The following LY86 variants were observed in gnomAD, a reference collection of about 807,000 sequenced individuals.
LY86 encodes MD-1, RP105-associated.
In LY86, 20 loss-of-function variants were observed where a neutral mutation model predicts 17.3. That is an observed-to-expected ratio of 1.15 (90% CI 0.81 to 1.68). The LOEUF is 1.68. LY86 is among the 40% of genes most tolerant of loss of function. The probability of loss-of-function intolerance (pLI) is 0.00; values close to 1 mark genes in which losing one functional copy is unlikely to be tolerated. For synonymous variants in LY86, 74 were observed against 70.6 expected, an observed-to-expected ratio of 1.05 and a Z score of -0.24; for missense variants, 200 against 191.9, an observed-to-expected ratio of 1.04 and a Z score of -0.25.
intron 1 of LY86, among the ~76,000 whole-genome samples, chr6:6,618,435 T>C (rs528210513): frequency 1.3e-4 from 20 of 152,098 alleles, no homozygotes; most frequent in African/African-American, 4.6e-4. Flanking sequence ...TTCAATTTTT[T>C]TTTTTTTGCA....
At chr6:6,590,593 T>C (rs1044321878) in intron 1 of LY86, among the ~76,000 whole-genome samples, 4 of 152,000 alleles carry the variant, frequency 2.6e-5, no homozygotes, top group Admixed American at 1.3e-4. Flanking sequence ...GGCTCCCAAG[T>C]GGGGAGCAAC....
chr6:6,622,595 G>A (rs1761705361), intron 1 of LY86: 1 of 152,188 alleles, frequency 6.6e-6, no homozygotes, highest in Non-Finnish European at 1.5e-5. Context: ...TTAGTGACTG[G>A]ACCAAAGGGG....
chr6:6,622,040 T>G lies in LY86; in HGVS notation c.137-2886T>G, dbSNP rs113571455. Reference sequence around the variant, plus strand: ...TGTTTACACTCAAAGATATCACTCTTGCATATAAATTTGAAATAACTGCTA... The same window carrying G: ...TGTTTACACTCAAAGATATCACTCTGGCATATAAATTTGAAATAACTGCTA... On this transcript the variant is annotated intron_variant, in intron 1 of 4. Coordinates refer to ENST00000230568, the MANE Select transcript of LY86 (RefSeq NM_004271.4). Among the ~76,000 whole-genome samples, 42 of 152,296 alleles carry G rather than the reference T, an allele frequency of 2.8e-4. 1 individual carries two copies. Among genetic ancestry groups the G allele is most frequent in the African/African-American group, 9.1e-4 (38 of 41,564 alleles).
chr6:6,651,723 G>A (rs1762189311), intron 4 of LY86, among the ~76,000 whole-genome samples: 1 of 152,058 alleles, frequency 6.6e-6, no homozygotes, highest in Admixed American at 6.6e-5. Flanking sequence ...ATAAGATAGA[G>A]GGGAAAAGAA....
chr6:6,588,742 G>T lies in LY86; in HGVS notation c.8G>T (p.Gly3Val), dbSNP rs751821164. The change falls in exon 1 of 5, where the codon GGT becomes GTT. Residue 3 changes from glycine to valine, a missense_variant. Coordinates refer to ENST00000230568, the MANE Select transcript of LY86 (RefSeq NM_004271.4). MK[G>V]FTATLFLWTL... is the part of the protein sequence containing the mutation. ...CCCATACAGGCCCCCACCATGAAGG[G>T]TTTCACAGCCACTCTCTTCCTCTGG... is the stretch of plus-strand genomic sequence containing the variant. The T allele has an allele frequency of 6.2e-6, 10 of 1,614,010 alleles. No individual in the cohort carries two copies. Among genetic ancestry groups the T allele is most frequent in the Non-Finnish European group, 8.5e-6 (10 of 1,179,988 alleles).
In LY86 at chr6:6,588,730, C is replaced by CCA. The variant is rs2113062459; in HGVS notation, c.-3_-2dup. The stretch of plus-strand genomic sequence containing the variant: ...TTTTCTGTGTGTCCCATACAGGCCC[C>CCA]CACCATGAAGGGTTTCACAGCCACT... On this transcript the variant is annotated 5_prime_UTR_variant, in exon 1 of 5. Coordinates refer to ENST00000230568, the MANE Select transcript of LY86 (RefSeq NM_004271.4). The CCA allele has an allele frequency of 6.2e-7, 1 of 1,613,976 alleles. No individual in the cohort carries two copies. The highest frequency in any genetic ancestry group is 2.2e-5 in the East Asian group (1 of 44,872).
intron 1 of LY86, among the ~76,000 whole-genome samples, chr6:6,604,721 G>C (rs1407593613): frequency 6.6e-6 from 1 of 152,026 alleles, no homozygotes; most frequent in African/African-American, 2.4e-5. Context: ...CATTACATTG[G>C]GGGTCTCTCC....
intron 1 of LY86, among the ~76,000 whole-genome samples, chr6:6,600,366 G>C (rs932576108): frequency 2.0e-5 from 3 of 152,002 alleles, no homozygotes; most frequent in African/African-American, 7.2e-5. Context: ...GAGGCAGGCA[G>C]ATCACCTTAG....
At chr6:6,610,610 C>T (rs1394423556) in intron 1 of LY86, among the ~76,000 whole-genome samples, 7 of 152,090 alleles carry the variant, frequency 4.6e-5, no homozygotes, top group Admixed American at 6.5e-5. Context: ...AAGCTTCTGT[C>T]CCTAGGAACA....
intron 1 of LY86, among the ~76,000 whole-genome samples, chr6:6,614,436 C>T (rs1296198091): frequency 6.6e-6 from 1 of 151,040 alleles, no homozygotes; most frequent in South Asian, 2.1e-4. Flanking sequence ...TCATTGCTCT[C>T]CGCCCGAGCA....
At chr6:6,650,313 G>A (rs1451537347) in intron 4 of LY86, among the ~76,000 whole-genome samples, 1 of 150,586 alleles carries the variant, frequency 6.6e-6, no homozygotes, top group African/African-American at 2.4e-5. Flanking sequence ...AGCAATAAAT[G>A]TTCAATATGC....
chr6:6,616,650 C>T (rs541723002), intron 1 of LY86, among the ~76,000 whole-genome samples: 1 of 152,372 alleles, frequency 6.6e-6, no homozygotes, highest in Non-Finnish European at 1.5e-5. Context: ...TCAGTTCCTG[C>T]TCACCCATCC....
intron 1 of LY86, among the ~76,000 whole-genome samples, chr6:6,605,692 A>C (rs527429771): frequency 6.6e-6 from 1 of 152,150 alleles, no homozygotes; most frequent in African/African-American, 2.4e-5. Context: ...TCACGGACTT[A>C]AAGAATGAAG....
At chr6:6,611,499 T>C (rs765171343) in intron 1 of LY86, among the ~76,000 whole-genome samples, 2 of 152,186 alleles carry the variant, frequency 1.3e-5, no homozygotes, top group East Asian at 1.9e-4. Context: ...ATCACTGTTA[T>C]TACACTCATC....
intron 1 of LY86, among the ~76,000 whole-genome samples, chr6:6,604,074 A>G (rs537787115): frequency 1.3e-5 from 2 of 152,326 alleles, no homozygotes; most frequent in South Asian, 2.1e-4. Flanking sequence ...AATTAAATGT[A>G]GAGTGGTTCT....
chr6:6,632,117 A>G (rs1323179133), intron 3 of LY86, among the ~76,000 whole-genome samples: 1 of 152,230 alleles, frequency 6.6e-6, no homozygotes, highest in Non-Finnish European at 1.5e-5. Flanking sequence ...ATTCAGATCC[A>G]GGACACCAAG....
intron 1 of LY86, among the ~76,000 whole-genome samples, chr6:6,605,631 C>G (rs755054790): frequency 6.6e-6 from 1 of 152,268 alleles, no homozygotes; most frequent in South Asian, 2.1e-4. Context: ...AAGCAACATT[C>G]CAATGTTTTC....
At position 6,633,711 on chromosome 6, in the gene LY86, A is replaced by G. The variant is rs1229902183; in HGVS notation, c.352+7290A>G. ...CAAACCTGGTTCTGGCCAAATTTCT[A>G]TGAGTTCTGACCAGGGTAGATCAAC... is the stretch of plus-strand genomic sequence containing the variant. On this transcript the variant is annotated intron_variant, in intron 3 of 4. Coordinates refer to ENST00000230568, the MANE Select transcript of LY86 (RefSeq NM_004271.4). 1.2e-4 allele frequency among the ~76,000 whole-genome samples: 19 copies of G among 152,138 alleles called. 1 individual carries two copies. The highest frequency in any genetic ancestry group is 1.2e-3 in the Admixed American group (19 of 15,258).
rs770431806 is a variant in LY86 at position 6,603,594 on chromosome 6, A to AAAAAC, written c.136+14726_136+14727insAACAA. 1.2e-4 allele frequency among the ~76,000 whole-genome samples: 9 copies of AAAAAC among 77,742 alleles called. No homozygotes were observed. In the East Asian group the frequency reaches 3.0e-3, roughly 26 times the overall value. The allele number at this position is 77,742 out of a possible 152,430, so 51.0% of individuals were successfully genotyped here. On this transcript the variant is annotated intron_variant, in intron 1 of 4. Coordinates refer to ENST00000230568, the MANE Select transcript of LY86 (RefSeq NM_004271.4). ...AAAACAAAGCCAAAGCCAAAAACAA[A>AAAAAC]AACAGAAACAGAAAAAAAAACAAAC...
Sources: gnomAD v4.1 joint callset for allele counts (sites outside exome capture counted in the v4.1 genomes callset) on GRCh38, gnomAD v4.1.1 for gene constraint, MANE v1.5 for transcripts, NCBI Gene and HGNC (gene_info 2026-07-23, HGNC 2026-07-21) for gene names.